Variants in EYA4 observed in about 807,000 individuals in gnomAD.
EYA4 encodes the protein EYA transcriptional coactivator and phosphatase 4, also known as protein phosphatase EYA4.
EYA4 carries 31 observed loss-of-function variants against 87.9 expected under a neutral mutation model. That is an observed-to-expected ratio of 0.35 (90% CI 0.27 to 0.48). The LOEUF (loss-of-function observed/expected upper bound fraction) is 0.48. EYA4 is among the 20% of genes least tolerant of loss of function. EYA4 has a pLI of 0.99. For missense variants in EYA4, 678 were observed against 761.4 expected (o/e 0.89, Z 1.29); for synonymous variants, 263 against 270.6 (o/e 0.97, Z 0.28).
At chr6:133,444,739 A>G (rs946154179) in intron 3 of EYA4, among the ~76,000 whole-genome samples, 1 of 152,222 alleles carries the variant, frequency 6.6e-6, no homozygotes, top group African/African-American at 2.4e-5. Context: ...AAAGGAACTC[A>G]GTAGAAAGCT....
At chr6:133,381,593 A>G (rs1786227632) in intron 2 of EYA4, among the ~76,000 whole-genome samples, 1 of 152,132 alleles carries the variant, frequency 6.6e-6, no homozygotes, top group Non-Finnish European at 1.5e-5. Flanking sequence ...ACCCAGAAAT[A>G]GTGGGCTTAT....
chr6:133,383,517 CAAAAAA>C (rs768724484), intron 3 of EYA4, among the ~76,000 whole-genome samples: 10 of 45,240 alleles, frequency 2.2e-4, no homozygotes, highest in South Asian at 1.5e-3. Flanking sequence ...GACTCCATCT[CAAAAAA>C]AAAAAAAAAA....
chr6:133,435,768 A>T lies in EYA4; in HGVS notation c.84-10862A>T, dbSNP rs142539340. Among the ~76,000 whole-genome samples, 680 of 152,236 alleles carry T rather than the reference A, an allele frequency of 4.5e-3. 11 individuals carry two copies. The highest frequency in any genetic ancestry group is 0.015 in the African/African-American group (634 of 41,548). ...TTTCATAAGATCTAAATTGATCAGG[A>T]TGCTTTATTACTTTTTTTATTCCAC... On this transcript the variant is annotated intron_variant, in intron 3 of 19. Transcript: ENST00000355286.
At chr6:133,424,748 A>G (rs1562404368) in intron 3 of EYA4, among the ~76,000 whole-genome samples, 1 of 150,834 alleles carries the variant, frequency 6.6e-6, no homozygotes, top group Non-Finnish European at 1.5e-5. Context: ...CCAGGAGGGC[A>G]GATTCTGCCT....
intron 2 of EYA4, among the ~76,000 whole-genome samples, chr6:133,327,862 G>A: frequency 6.6e-6 from 1 of 152,202 alleles, no homozygotes; most frequent in South Asian, 2.1e-4. Flanking sequence ...AAGCCACTGT[G>A]ATTGTCCAGA....
intron 2 of EYA4, among the ~76,000 whole-genome samples, chr6:133,373,735 T>C (rs1785456109): frequency 6.6e-6 from 1 of 152,058 alleles, no homozygotes; most frequent in Non-Finnish European, 1.5e-5. Context: ...AAGACCAAGA[T>C]ATATGAGGAA....
intron 1 of EYA4, among the ~76,000 whole-genome samples, chr6:133,242,360 C>A (rs1349307014): frequency 5.3e-5 from 8 of 152,110 alleles, no homozygotes; most frequent in Non-Finnish European, 1.0e-4. Context: ...TTTTATGTGG[C>A]GTGGACTGAA....
At chr6:133,267,602 C>T (rs1038424953) in intron 1 of EYA4, among the ~76,000 whole-genome samples, 4 of 152,128 alleles carry the variant, frequency 2.6e-5, no homozygotes, top group African/African-American at 7.2e-5. Flanking sequence ...AGGCTGGTCT[C>T]GAACTCCTGA....
chr6:133,388,129 C>T (rs1395079651), intron 3 of EYA4, among the ~76,000 whole-genome samples: 2 of 152,058 alleles, frequency 1.3e-5, no homozygotes, highest in Middle Eastern at 3.2e-3. Context: ...CAGTCTCGGC[C>T]GGGCACAGTG....
intron 3 of EYA4, among the ~76,000 whole-genome samples, chr6:133,394,419 C>A (rs1787613521): frequency 6.8e-6 from 1 of 147,888 alleles, no homozygotes; most frequent in Admixed American, 7.0e-5. Flanking sequence ...ATACAGGTAT[C>A]TTTAGTTCAA....
chr6:133,483,184 C>T, intron 13 of EYA4, 69 bp downstream of exon 13: 1 of 1,190,092 alleles, frequency 8.4e-7, no homozygotes, highest in East Asian at 2.4e-5. Flanking sequence ...AAATCAAGGG[C>T]TATTTAAAAA....
At chr6:133,334,840 T>C (rs1782243955) in intron 2 of EYA4, among the ~76,000 whole-genome samples, 1 of 152,222 alleles carries the variant, frequency 6.6e-6, no homozygotes, top group Non-Finnish European at 1.5e-5. Context: ...GAATATTTTA[T>C]GATCCAGTTG....
chr6:133,468,486 A>T, intron 10 of EYA4, 80 bp from the exon 11 acceptor site: 1 of 1,154,588 alleles, frequency 8.7e-7, no homozygotes, highest in Non-Finnish European at 1.3e-6. Flanking sequence ...TCTTTCAGTT[A>T]CCATAATGAC....
chr6:133,254,640 G>A (rs1582756701), intron 1 of EYA4, among the ~76,000 whole-genome samples: 1 of 151,980 alleles, frequency 6.6e-6, no homozygotes, highest in East Asian at 1.9e-4. Flanking sequence ...TTATTTTCTT[G>A]TATGAGTCAT....
At chr6:133,249,961 C>T (rs1422667302) in intron 1 of EYA4, among the ~76,000 whole-genome samples, 1 of 152,170 alleles carries the variant, frequency 6.6e-6, no homozygotes, top group Non-Finnish European at 1.5e-5. Context: ...GCACAGTGCA[C>T]TGCTGGACAT....
chr6:133,480,343 A>G (rs1796096656), intron 11 of EYA4, among the ~76,000 whole-genome samples: 1 of 152,194 alleles, frequency 6.6e-6, no homozygotes, highest in South Asian at 2.1e-4. Context: ...TTTGTCAACA[A>G]GGTGATTTCT....
Position 133,473,429 on chromosome 6 carries a change from T to C in EYA4, c.970+4698T>C, listed in dbSNP as rs1276494711. Among the ~76,000 whole-genome samples, 3 of 152,196 alleles carry C rather than the reference T, an allele frequency of 2.0e-5. No homozygotes were observed. In the East Asian group the frequency reaches 5.8e-4, roughly 29 times the overall value. ...GAGAAAGGGAAAATGGTAGGTCATATGGGGGATATTAACAAGTAAACTAAT... is the reference window on the plus strand; with the variant it reads ...GAGAAAGGGAAAATGGTAGGTCATACGGGGGATATTAACAAGTAAACTAAT... On this transcript the variant is annotated intron_variant, in intron 11 of 19. Transcript: ENST00000355286.
At chr6:133,417,430 G>A (rs1349946402) in intron 3 of EYA4, among the ~76,000 whole-genome samples, 1 of 152,170 alleles carries the variant, frequency 6.6e-6, no homozygotes, top group Non-Finnish European at 1.5e-5. Flanking sequence ...CTGAGACAGT[G>A]AAAGAGGACC....
intron 14 of EYA4, among the ~76,000 whole-genome samples, chr6:133,509,965 C>T (rs764203931): frequency 2.0e-5 from 3 of 152,140 alleles, no homozygotes; most frequent in Middle Eastern, 3.4e-3. Context: ...TTCACTGGAC[C>T]GTAATCCTCA....
Sources: gnomAD v4.1 joint callset for allele counts (sites outside exome capture counted in the v4.1 genomes callset) on GRCh38, gnomAD v4.1.1 for gene constraint, MANE v1.5 for transcripts, NCBI Gene and HGNC (gene_info 2026-07-23, HGNC 2026-07-21) for gene names.